Variants in INSC observed in about 807,000 individuals in gnomAD.
INSC encodes the protein protein inscuteable homolog.
A neutral mutation model predicts 58.6 loss-of-function variants in INSC; 67 were observed. The ratio of observed to expected loss-of-function variants is 1.14; its 90% confidence interval spans 0.94 to 1.40. The LOEUF (loss-of-function observed/expected upper bound fraction) is 1.40. Ranked by LOEUF, INSC falls within the 40% of genes most tolerant of loss-of-function variation. INSC has a pLI of 0.00. For synonymous variants in INSC, 262 were observed against 276.1 expected (o/e 0.95, Z 0.51); for missense variants, 714 against 692.0 (o/e 1.03, Z -0.36).
chr11:15,203,821 ATT>A lies in INSC; in HGVS notation c.819+2882_819+2883del, dbSNP rs11306162. ...TTGTATGGCCCATGAGCTAAGAATG[ATT>A]TTTTTTTTTCATTTTTAAATGGTCA... On this transcript the variant is annotated intron_variant, in intron 7 of 12. Transcript: ENST00000379556. Among the ~76,000 whole-genome samples, 167 of 149,804 alleles carry A rather than the reference ATT, an allele frequency of 1.1e-3. 1 individual carries two copies. The highest frequency in any genetic ancestry group is 3.9e-3 in the African/African-American group (157 of 40,666).
Position 15,221,459 on chromosome 11 carries a change from C to T in INSC, c.820-18C>T. ...TCCACCCAGGATGCACAGGGGAGCT[C>T]CCTCTCTCCATCTGCAGGTGGATGG... On this transcript the variant is annotated intron_variant, in intron 7 of 12. Coordinates refer to ENST00000379556, the MANE Select transcript of INSC (RefSeq NM_001042536.3). The T allele has an allele frequency of 1.3e-6, 2 of 1,594,962 alleles. No homozygotes were observed. The highest frequency in any genetic ancestry group is 1.7e-6 in the Non-Finnish European group (2 of 1,168,640).
At chr11:15,161,495 G>A (rs1279481241) in intron 2 of INSC, among the ~76,000 whole-genome samples, 3 of 152,166 alleles carry the variant, frequency 2.0e-5, no homozygotes, top group Non-Finnish European at 2.9e-5. Context: ...ACACAGAGAA[G>A]CTCAGAGGAA....
In INSC at chr11:15,221,462, T is replaced by G. The variant is rs772551186; in HGVS notation, c.820-15T>G. On this transcript the variant is annotated splice_polypyrimidine_tract_variant and intron_variant, in intron 7 of 12. Coordinates refer to ENST00000379556, the MANE Select transcript of INSC (RefSeq NM_001042536.3). ...ACCCAGGATGCACAGGGGAGCTCCCTCTCTCCATCTGCAGGTGGATGGCGT... is the reference window on the plus strand; with the variant it reads ...ACCCAGGATGCACAGGGGAGCTCCCGCTCTCCATCTGCAGGTGGATGGCGT... 1.2e-5 allele frequency: 19 copies of G among 1,596,656 alleles called. No homozygotes were observed. Among genetic ancestry groups the G allele is most frequent in the Non-Finnish European group, 1.6e-5 (19 of 1,169,562 alleles).
the INSC span, among the ~76,000 whole-genome samples, chr11:15,268,841 G>T: frequency 6.6e-6 from 1 of 152,010 alleles, no homozygotes; most frequent in Non-Finnish European, 1.5e-5. Context: ...AAAGGCTGAA[G>T]TTTCATAAGA....
At chr11:15,119,806 C>T (rs928163679) in intron 1 of INSC, among the ~76,000 whole-genome samples, 2 of 152,196 alleles carry the variant, frequency 1.3e-5, no homozygotes, top group Non-Finnish European at 2.9e-5. Context: ...AGTGCACGGG[C>T]TTTGCAGCCA....
At chr11:15,240,272 C>A (rs1014065471) in intron 11 of INSC, among the ~76,000 whole-genome samples, 175 bp from the exon 12 acceptor site, 1 of 152,190 alleles carries the variant, frequency 6.6e-6, no homozygotes, top group Non-Finnish European at 1.5e-5. Context: ...TTGGCCTGAC[C>A]CTGACCCGGG....
chr11:15,188,130 G>C, intron 5 of INSC: 3 of 958,362 alleles, frequency 3.1e-6, no homozygotes, highest in Non-Finnish European at 3.7e-6. Flanking sequence ...GTAGCTTAGG[G>C]GAAGTGTGGC....
intron 6 of INSC, among the ~76,000 whole-genome samples, chr11:15,196,292 A>G (rs1160952032): frequency 2.0e-5 from 3 of 152,216 alleles, no homozygotes; most frequent in East Asian, 1.9e-4. Flanking sequence ...TCTTGTCCAC[A>G]TGACCCCTCT....
intron 5 of INSC, 120 bp from the exon 6 acceptor site, chr11:15,190,581 A>C (rs1275326356): frequency 4.1e-6 from 3 of 739,622 alleles, no homozygotes; most frequent in Non-Finnish European, 7.4e-6. Context: ...GGCAGTAGCT[A>C]GGGGCAGGAG....
chr11:15,255,135 A>C, the INSC span, among the ~76,000 whole-genome samples: 1,343 of 152,314 alleles, frequency 8.8e-3, 24 homozygotes, highest in African/African-American at 0.031. Context: ...TCTGAAACCA[A>C]AACCCATGAT....
At chr11:15,210,397 C>A (rs1368193854) in intron 7 of INSC, among the ~76,000 whole-genome samples, 1 of 151,996 alleles carries the variant, frequency 6.6e-6, no homozygotes, top group Non-Finnish European at 1.5e-5. Context: ...TACAGACATG[C>A]CTGTTCTGTG....
chr11:15,224,927 C>T (rs1159798683), intron 8 of INSC, among the ~76,000 whole-genome samples: 1 of 152,146 alleles, frequency 6.6e-6, no homozygotes, highest in Non-Finnish European at 1.5e-5. Flanking sequence ...ATCCTGGGAC[C>T]AAAAGGAAGC....
downstream of INSC, among the ~76,000 whole-genome samples, chr11:15,250,168 T>G (rs533900374): frequency 1.2e-4 from 19 of 152,320 alleles, no homozygotes; most frequent in Admixed American, 3.9e-4. Flanking sequence ...CAGCATGCTA[T>G]GGAGAAAGAG....
chr11:15,146,629 C>T (rs1848499359), intron 1 of INSC, among the ~76,000 whole-genome samples: 1 of 152,218 alleles, frequency 6.6e-6, no homozygotes, highest in Non-Finnish European at 1.5e-5. Context: ...CCTCAGCTAA[C>T]AGCCCAGAGG....
intron 7 of INSC, among the ~76,000 whole-genome samples, chr11:15,205,486 G>C (rs151146276): frequency 6.6e-6 from 1 of 152,298 alleles, no homozygotes; most frequent in African/African-American, 2.4e-5. Context: ...GTAATATGAT[G>C]CTTGGCACAG....
At chr11:15,138,802 T>C (rs1848306048) in intron 1 of INSC, among the ~76,000 whole-genome samples, 1 of 152,126 alleles carries the variant, frequency 6.6e-6, no homozygotes, top group South Asian at 2.1e-4. Context: ...ACCCTGAGGA[T>C]AGGTTTTTTT....
intron 7 of INSC, among the ~76,000 whole-genome samples, chr11:15,203,823 T>C (rs1850690593): frequency 3.2e-5 from 1 of 31,302 alleles, no homozygotes; most frequent in Non-Finnish European, 9.4e-5. Context: ...TAAGAATGAT[T>C]TTTTTTTTTC....
At chr11:15,269,231 A>C in the INSC span, among the ~76,000 whole-genome samples, 1 of 151,994 alleles carries the variant, frequency 6.6e-6, no homozygotes, top group Non-Finnish European at 1.5e-5. Flanking sequence ...ATCCTTTTGG[A>C]ATGGGTACTT....
At chr11:15,249,648 G>T (rs903720808), downstream of INSC, among the ~76,000 whole-genome samples, 1 of 152,216 alleles carries the variant, frequency 6.6e-6, no homozygotes, top group Non-Finnish European at 1.5e-5. Flanking sequence ...ATAAAGAGAG[G>T]AGTCAGCGTG....
Sources: gnomAD v4.1 joint callset for allele counts (sites outside exome capture counted in the v4.1 genomes callset) on GRCh38, gnomAD v4.1.1 for gene constraint, MANE v1.5 for transcripts, NCBI Gene and HGNC (gene_info 2026-07-23, HGNC 2026-07-21) for gene names.